RYR2: variants seen among roughly 807,000 people sequenced by gnomAD.
The protein encoded by RYR2 is ryanodine receptor 2.
In RYR2, 227 loss-of-function variants were observed where a neutral mutation model predicts 601.1. The ratio of observed to expected loss-of-function variants is 0.38; its 90% CI spans 0.34 to 0.42. RYR2 has a LOEUF of 0.42. RYR2 is among the 10% of genes least tolerant of loss of function. RYR2 has a pLI of 1.00. For synonymous variants in RYR2, 2,223 were observed against 2,175.1 expected (o/e 1.02, Z -0.61); for missense variants, 4,646 against 6,156.5 (o/e 0.75, Z 8.21).
At chr1:237,335,768 T>C (rs1697189082) in intron 3 of RYR2, among the ~76,000 whole-genome samples, 1 of 152,158 alleles carries the variant, frequency 6.6e-6, no homozygotes, top group African/African-American at 2.4e-5. Context: ...AGATTAACAT[T>C]TATAATTCAG....
At chr1:237,229,100 C>G (rs1684702102) in intron 1 of RYR2, among the ~76,000 whole-genome samples, 1 of 148,996 alleles carries the variant, frequency 6.7e-6, no homozygotes, top group Admixed American at 6.8e-5. Context: ...AGACTGCAGA[C>G]CTAGCCCTGT....
chr1:237,202,557 A>G (rs1309938801), intron 1 of RYR2, among the ~76,000 whole-genome samples: 1 of 152,098 alleles, frequency 6.6e-6, no homozygotes, highest in African/African-American at 2.4e-5. Context: ...ACAGGCATGC[A>G]TCACTGCACC....
At chr1:237,720,655 G>A (rs950183119) in intron 73 of RYR2, among the ~76,000 whole-genome samples, 1 of 152,274 alleles carries the variant, frequency 6.6e-6, no homozygotes, top group African/African-American at 2.4e-5. Context: ...AGAAGATCAG[G>A]TACCCCATGA....
At chr1:237,651,941 G>A (rs538083340) in intron 51 of RYR2, among the ~76,000 whole-genome samples, 1 of 152,240 alleles carries the variant, frequency 6.6e-6, no homozygotes, top group Non-Finnish European at 1.5e-5. Context: ...GAAGGCTGAG[G>A]CAGGAGAATG....
At chr1:237,761,081 C>G (rs776705505) in intron 84 of RYR2, 53 bp downstream of exon 84, 1 of 1,018,828 alleles carries the variant, frequency 9.8e-7, no homozygotes, top group South Asian at 1.4e-5. Flanking sequence ...CTCCCTGAAA[C>G]GAGTCAATTA....
At chr1:237,805,457 T>G (rs1055602052) in intron 98 of RYR2, among the ~76,000 whole-genome samples, 1 of 151,764 alleles carries the variant, frequency 6.6e-6, no homozygotes, top group Non-Finnish European at 1.5e-5. Context: ...GGCGGACGCT[T>G]GTAGTCCCAG....
At chr1:237,356,589 G>A (rs554844414) in intron 4 of RYR2, among the ~76,000 whole-genome samples, 54 of 152,152 alleles carry the variant, frequency 3.5e-4, no homozygotes, top group African/African-American at 1.3e-3. Flanking sequence ...CAGTGAAGGT[G>A]AATGACCATG....
chr1:237,601,639 A>G (rs1676515486), intron 34 of RYR2, among the ~76,000 whole-genome samples: 1 of 152,188 alleles, frequency 6.6e-6, no homozygotes, highest in African/African-American at 2.4e-5. Flanking sequence ...TAGACATGCT[A>G]ATTACCCTGA....
intron 2 of RYR2, among the ~76,000 whole-genome samples, chr1:237,317,569 A>G (rs888774118): frequency 6.6e-6 from 1 of 152,136 alleles, no homozygotes; most frequent in Non-Finnish European, 1.5e-5. Flanking sequence ...TATTAGGGCC[A>G]GTAGTTTTTT....
chr1:237,474,197 A>ACATATGTATG lies in RYR2; in HGVS notation c.1708+5010_1708+5011insCATATGTATG, dbSNP rs1181073269. 1.1e-3 allele frequency among the ~76,000 whole-genome samples: 120 copies of ACATATGTATG among 110,140 alleles called. 1 individual carries two copies. The highest frequency in any genetic ancestry group is 0.01 in the East Asian group (25 of 2,406). 72.3% of individuals were successfully genotyped at this position (110,140 alleles called of 152,430 possible). On this transcript the variant is annotated intron_variant, in intron 17 of 104. Coordinates refer to ENST00000366574, the MANE Select transcript of RYR2 (RefSeq NM_001035.3). ...TACATAAATATGTATGTACGTGTGT[A>ACATATGTATG]TATATGTGTGTGTGTGTGTGTGTAG...
At chr1:237,248,735 T>C (rs1335277053) in intron 1 of RYR2, among the ~76,000 whole-genome samples, 1 of 151,370 alleles carries the variant, frequency 6.6e-6, no homozygotes, top group African/African-American at 2.4e-5. Context: ...CATACACAGA[T>C]GACTAGACAT....
intron 2 of RYR2, among the ~76,000 whole-genome samples, chr1:237,295,863 T>A (rs1005791074): frequency 2.7e-5 from 4 of 149,898 alleles, no homozygotes; most frequent in African/African-American, 9.7e-5. Context: ...ATGTCCAAAG[T>A]CATGGGGACA....
chr1:237,626,200 G>A (rs1281979016), intron 40 of RYR2, among the ~76,000 whole-genome samples: 1 of 151,992 alleles, frequency 6.6e-6, no homozygotes, highest in Non-Finnish European at 1.5e-5. Context: ...TTATATTTTG[G>A]TTCTGAAATA....
At chr1:237,695,605 C>G (rs573314383) in intron 63 of RYR2, among the ~76,000 whole-genome samples, 1 of 152,104 alleles carries the variant, frequency 6.6e-6, no homozygotes, top group Non-Finnish European at 1.5e-5. Context: ...TTCCTGATAA[C>G]GTGATTGACA....
At chr1:237,149,600 A>T (rs902773839) in intron 1 of RYR2, among the ~76,000 whole-genome samples, 1 of 151,534 alleles carries the variant, frequency 6.6e-6, no homozygotes, top group African/African-American at 2.5e-5. Context: ...TTCCATTAAG[A>T]GTGGAATGAA....
At chr1:237,420,539 G>A (rs1481488422) in intron 11 of RYR2, among the ~76,000 whole-genome samples, 2 of 151,366 alleles carry the variant, frequency 1.3e-5, no homozygotes, top group African/African-American at 4.9e-5. Context: ...TTTGGGAGGA[G>A]GTGGGGGTCT....
chr1:237,546,997 T>TATATATATATATATATA lies in RYR2; in HGVS notation c.2907-1434_2907-1433insATATATATATATATATA, dbSNP rs58050661. ...AAAGCATATATATATATATATATAT[T>TATATATATATATATATA]TATTTATTTATTTATTTATTTATTT... On this transcript the variant is annotated intron_variant, in intron 25 of 104. Transcript: ENST00000366574. Among the ~76,000 whole-genome samples the TATATATATATATATATA allele has an allele frequency of 6.2e-3, 509 of 82,704 alleles. 3 individuals carry two copies. The highest frequency in any genetic ancestry group is 8.7e-3 in the Non-Finnish European group (308 of 35,254). 54.3% of individuals were successfully genotyped at this position (82,704 alleles called of 152,430 possible).
intron 2 of RYR2, among the ~76,000 whole-genome samples, chr1:237,273,758 C>A (rs1689949991): frequency 6.6e-6 from 1 of 150,708 alleles, no homozygotes. Flanking sequence ...AAATAGTAAT[C>A]AAAAAGAGAA....
chr1:237,528,228 AAAC>A (rs1386244255), intron 24 of RYR2, among the ~76,000 whole-genome samples: 3 of 152,332 alleles, frequency 2.0e-5, no homozygotes, highest in South Asian at 4.1e-4. Context: ...AGATCTATAA[AAAC>A]AACAATTCTT....
Sources: gnomAD v4.1 joint callset for allele counts (sites outside exome capture counted in the v4.1 genomes callset) on GRCh38, gnomAD v4.1.1 for gene constraint, MANE v1.5 for transcripts, NCBI Gene and HGNC (gene_info 2026-07-23, HGNC 2026-07-21) for gene names.